NUSAP1: variants seen among roughly 807,000 people sequenced by gnomAD.
The protein encoded by NUSAP1 is nucleolar and spindle-associated protein 1.
In NUSAP1, 32 loss-of-function variants were observed where a neutral mutation model predicts 52.8. The observed-to-expected ratio is 0.61, with a 90% confidence interval of 0.46 to 0.81. The LOEUF is 0.81. Ranked by LOEUF, NUSAP1 falls within the 40% of genes least tolerant of loss-of-function variation. The pLI is 0.00. For synonymous variants in NUSAP1, 195 were observed against 183.1 expected, an observed-to-expected ratio of 1.06 and a Z score of -0.52; for missense variants, 499 against 522.3, an observed-to-expected ratio of 0.96 and a Z score of 0.43.
chr15:41,368,756 A>T (rs2049533610), intron 7 of NUSAP1, among the ~76,000 whole-genome samples: 1 of 95,876 alleles, frequency 1.0e-5, no homozygotes. Flanking sequence ...TTTTTTTGAG[A>T]CAGTATTGCT....
At chr15:41,378,944 G>GTTGTTTTTTTTTTTTT (rs2050091479) in intron 10 of NUSAP1, among the ~76,000 whole-genome samples, 1 of 63,270 alleles carries the variant, frequency 1.6e-5, no homozygotes, top group African/African-American at 7.0e-5. Flanking sequence ...ACTTATCTTG[G>GTTGTTTTTTTTTTTTT]TTTTTTTTTT....
At chr15:41,370,234 T>C (rs1231357958) in intron 7 of NUSAP1, among the ~76,000 whole-genome samples, 1 of 151,336 alleles carries the variant, frequency 6.6e-6, no homozygotes, top group Non-Finnish European at 1.5e-5. Context: ...ACAAAAAAAA[T>C]AGCCGGGCGT....
chr15:41,333,848 G>T (rs2048015313), intron 1 of NUSAP1, among the ~76,000 whole-genome samples: 1 of 152,176 alleles, frequency 6.6e-6, no homozygotes, highest in Non-Finnish European at 1.5e-5. Context: ...GGAAGCCGAG[G>T]TGGCAGTGAG....
intron 1 of NUSAP1, among the ~76,000 whole-genome samples, chr15:41,337,231 C>G (rs2140507840): frequency 6.6e-6 from 1 of 152,158 alleles, no homozygotes; most frequent in Middle Eastern, 3.4e-3. Context: ...GTTGCCCTGT[C>G]TGGTCTCCAA....
At chr15:41,356,617 T>A (rs555734181) in intron 5 of NUSAP1, among the ~76,000 whole-genome samples, 1 of 152,292 alleles carries the variant, frequency 6.6e-6, no homozygotes, top group Non-Finnish European at 1.5e-5. Context: ...CCTCCCAAAG[T>A]GCTGGGATTC....
Position 41,375,891 on chromosome 15 carries a change from G to C in NUSAP1, c.1123+63G>C. On this transcript the variant is annotated intron_variant, in intron 9 of 10. Coordinates refer to ENST00000559596, the MANE Select transcript of NUSAP1 (RefSeq NM_016359.5). ...TACTTAAGATTGGTGGGACGCAGTG[G>C]CTCACACCTACTAAACATACAAAAA... The C allele has an allele frequency of 3.6e-6, 4 of 1,115,460 alleles. No individual in the cohort carries two copies. In the South Asian group the frequency reaches 3.7e-5, roughly 10 times the overall value. 69.1% of individuals were successfully genotyped at this position (1,115,460 alleles called of 1,614,324 possible). A position where few individuals can be genotyped will look rare whatever the true frequency, so the allele number is the denominator to read the frequency against.
At chr15:41,343,236 C>T (rs1299738981) in intron 2 of NUSAP1, 1 of 152,258 alleles carries the variant, frequency 6.6e-6, no homozygotes, top group Non-Finnish European at 1.5e-5. Flanking sequence ...CTATAAAACA[C>T]TGCTGATGGC....
intron 6 of NUSAP1, among the ~76,000 whole-genome samples, chr15:41,358,707 C>T (rs2049060526): frequency 6.6e-6 from 1 of 152,268 alleles, no homozygotes; most frequent in East Asian, 1.9e-4. Flanking sequence ...GCACTCCAGC[C>T]TGGGTGACAG....
At chr15:41,355,898 T>C (rs1428884459) in intron 4 of NUSAP1, 141 bp from the exon 5 acceptor site, 3 of 565,802 alleles carry the variant, frequency 5.3e-6, no homozygotes, top group African/African-American at 3.8e-5. Flanking sequence ...CAGGATGGTC[T>C]TGATCTTCTG....
At chr15:41,336,197 C>T (rs1010515936) in intron 1 of NUSAP1, among the ~76,000 whole-genome samples, 1 of 151,346 alleles carries the variant, frequency 6.6e-6, no homozygotes, top group African/African-American at 2.4e-5. Flanking sequence ...CCCAGGGAGG[C>T]AGACGCTGCA....
chr15:41,341,220 C>T (rs1360445537), intron 1 of NUSAP1, among the ~76,000 whole-genome samples: 1 of 152,132 alleles, frequency 6.6e-6, no homozygotes, highest in Non-Finnish European at 1.5e-5. Flanking sequence ...CACACACCAC[C>T]ATGCCCGGCT....
intron 2 of NUSAP1, chr15:41,345,485 G>C: frequency 2.5e-6 from 1 of 401,158 alleles, no homozygotes; most frequent in Non-Finnish European, 4.8e-6. Context: ...TTTTTTCTGA[G>C]TTTCACTCTT....
chr15:41,376,072 TAAAAATA>T (rs1476860664), intron 9 of NUSAP1, among the ~76,000 whole-genome samples: 2 of 149,342 alleles, frequency 1.3e-5, no homozygotes, highest in African/African-American at 4.9e-5. Flanking sequence ...ATCTAAAAAA[TAAAAATA>T]AAAAATAAAA....
At chr15:41,366,628 T>C (rs1486742556) in intron 7 of NUSAP1, among the ~76,000 whole-genome samples, 2 of 152,208 alleles carry the variant, frequency 1.3e-5, no homozygotes, top group African/African-American at 4.8e-5. Context: ...AAATCATGAA[T>C]TGTTTTCCTG....
At chr15:41,366,017 G>T (rs1462957895) in intron 7 of NUSAP1, among the ~76,000 whole-genome samples, 3 of 151,990 alleles carry the variant, frequency 2.0e-5, no homozygotes. Context: ...ACCACGCCCG[G>T]CCCATAGTGA....
At chr15:41,349,063 C>T (rs1386079373) in intron 2 of NUSAP1, 35 bp from the exon 3 acceptor site, 1 of 1,597,206 alleles carries the variant, frequency 6.3e-7, no homozygotes, top group East Asian at 2.2e-5. Context: ...TAACTGTAGA[C>T]ATAGCACATA....
chr15:41,334,099 ATTTT>A (rs140711980), intron 1 of NUSAP1, among the ~76,000 whole-genome samples: 1 of 148,528 alleles, frequency 6.7e-6, no homozygotes, highest in East Asian at 2.0e-4. Context: ...AATCGTCACA[ATTTT>A]TTTTTTATTT....
At chr15:41,359,116 A>G (rs1875413909) in intron 6 of NUSAP1, among the ~76,000 whole-genome samples, 1 of 152,188 alleles carries the variant, frequency 6.6e-6, no homozygotes, top group Non-Finnish European at 1.5e-5. Flanking sequence ...CAGGAAACAC[A>G]TTTTTAAATA....
At position 41,332,930 on chromosome 15, in the gene NUSAP1, C is replaced by A; in HGVS notation, c.-28C>A. Reference sequence around the variant, plus strand: ...CTGACGAAGTTTGGTGATCCATCTTCCGAGTATCGCCGGGATTTCGAATCG... The same window carrying A: ...CTGACGAAGTTTGGTGATCCATCTTACGAGTATCGCCGGGATTTCGAATCG... On this transcript the variant is annotated 5_prime_UTR_variant, in exon 1 of 11. Transcript: ENST00000559596. The A allele has an allele frequency of 6.4e-7, 1 of 1,560,686 alleles. No individual in the cohort carries two copies. Among genetic ancestry groups the A allele is most frequent in the Non-Finnish European group, 8.8e-7 (1 of 1,140,396 alleles).
Sources: gnomAD v4.1 joint callset for allele counts (sites outside exome capture counted in the v4.1 genomes callset) on GRCh38, gnomAD v4.1.1 for gene constraint, MANE v1.5 for transcripts, NCBI Gene and HGNC (gene_info 2026-07-23, HGNC 2026-07-21) for gene names.